The following NAALADL2 variants were observed in gnomAD, a reference collection of about 807,000 sequenced individuals.
NAALADL2 encodes the protein N-acetylated alpha-linked acidic dipeptidase like 2.
Under a neutral mutation model 87.2 loss-of-function variants are expected in NAALADL2, and 76 were observed. The observed-to-expected ratio is 0.87, with a 90% CI of 0.72 to 1.05. NAALADL2 has a LOEUF of 1.05. Ranked by LOEUF, NAALADL2 falls within the 50% of genes least tolerant of loss-of-function variation. NAALADL2 has a pLI of 0.00. For missense variants in NAALADL2, 1,089 were observed against 945.8 expected, an observed-to-expected ratio of 1.15 and a Z score of -1.99; for synonymous variants, 354 against 331.0, an observed-to-expected ratio of 1.07 and a Z score of -0.75.
chr3:175,185,318 C>T (rs1737173031), intron 2 of NAALADL2, among the ~76,000 whole-genome samples: 3 of 151,962 alleles, frequency 2.0e-5, no homozygotes, highest in Admixed American at 2.0e-4. Flanking sequence ...GACTTGTCTA[C>T]ATATGCACAA....
chr3:175,390,392 C>T (rs2149017565), intron 5 of NAALADL2, among the ~76,000 whole-genome samples: 1 of 152,200 alleles, frequency 6.6e-6, no homozygotes, highest in African/African-American at 2.4e-5. Flanking sequence ...GCAAGCCAAA[C>T]GTTTAAATTT....
chr3:175,225,210 C>G (rs1039521087), intron 2 of NAALADL2, among the ~76,000 whole-genome samples: 2 of 152,068 alleles, frequency 1.3e-5, no homozygotes, highest in African/African-American at 4.8e-5. Flanking sequence ...ATATATCTTC[C>G]CCATTATATA....
intron 4 of NAALADL2, among the ~76,000 whole-genome samples, chr3:175,323,455 A>T (rs986793055): frequency 1.3e-5 from 2 of 151,664 alleles, no homozygotes; most frequent in Non-Finnish European, 2.9e-5. Flanking sequence ...AACCTGCACA[A>T]TGTGCACATG....
intron 13 of NAALADL2, among the ~76,000 whole-genome samples, chr3:175,792,958 C>T (rs1752976244): frequency 6.6e-6 from 1 of 152,218 alleles, no homozygotes; most frequent in African/African-American, 2.4e-5. Flanking sequence ...CTGGTTCTTT[C>T]AGAAATCCAA....
chr3:174,952,785 C>A (rs1740572524), intron 1 of NAALADL2, among the ~76,000 whole-genome samples: 1 of 152,122 alleles, frequency 6.6e-6, no homozygotes, highest in Admixed American at 6.6e-5. Context: ...AGGAAGCCTG[C>A]ATGACATTAG....
chr3:174,639,370 G>GT (rs1452550893), intron 2 of NAALADL2, among the ~76,000 whole-genome samples: 1 of 152,222 alleles, frequency 6.6e-6, no homozygotes, highest in Non-Finnish European at 1.5e-5. Context: ...ACCCAGGGGT[G>GT]TATGGGAGCT....
At chr3:174,628,745 A>T (rs376679235) in intron 2 of NAALADL2, among the ~76,000 whole-genome samples, 9 of 152,246 alleles carry the variant, frequency 5.9e-5, no homozygotes, top group African/African-American at 1.9e-4. Flanking sequence ...TGTGCATTAT[A>T]TACAACTGTT....
chr3:174,924,471 T>C (rs939808237), intron 1 of NAALADL2, among the ~76,000 whole-genome samples: 8 of 152,188 alleles, frequency 5.3e-5, no homozygotes, highest in Admixed American at 5.2e-4. Flanking sequence ...TTGACGGACA[T>C]TTGGGTTGGT....
intron 13 of NAALADL2, among the ~76,000 whole-genome samples, chr3:175,792,828 C>G (rs552474646): frequency 6.6e-6 from 1 of 152,050 alleles, no homozygotes; most frequent in South Asian, 2.1e-4. Flanking sequence ...CTCTGCCTTC[C>G]GTAGTATAAG....
chr3:175,656,969 G>A (rs549121793), intron 11 of NAALADL2, among the ~76,000 whole-genome samples: 10 of 152,180 alleles, frequency 6.6e-5, no homozygotes, highest in Non-Finnish European at 8.8e-5. Flanking sequence ...TAGAAACTTC[G>A]TGTATCACTT....
chr3:175,200,817 T>C (rs2109146413), intron 2 of NAALADL2, among the ~76,000 whole-genome samples: 1 of 152,322 alleles, frequency 6.6e-6, no homozygotes, highest in Non-Finnish European at 1.5e-5. Context: ...AAACAGGTCA[T>C]GACTCTCAAA....
At chr3:174,973,098 T>A (rs1038718909) in intron 1 of NAALADL2, among the ~76,000 whole-genome samples, 1 of 152,170 alleles carries the variant, frequency 6.6e-6, no homozygotes, top group Non-Finnish European at 1.5e-5. Context: ...TGGCACTGTT[T>A]TGTAGTTTGG....
At chr3:175,075,877 G>A (rs935404648) in intron 1 of NAALADL2, among the ~76,000 whole-genome samples, 1 of 152,098 alleles carries the variant, frequency 6.6e-6, no homozygotes, top group South Asian at 2.1e-4. Context: ...ATAAAATAAG[G>A]TAAATTGATT....
chr3:175,596,266 G>T (rs1188962041), intron 10 of NAALADL2, among the ~76,000 whole-genome samples: 1 of 151,782 alleles, frequency 6.6e-6, no homozygotes, highest in Non-Finnish European at 1.5e-5. Flanking sequence ...TCCATGATTG[G>T]TCATCATAGA....
chr3:175,467,614 A>G (rs78955180), intron 8 of NAALADL2, among the ~76,000 whole-genome samples: 3,837 of 152,254 alleles, frequency 0.025, 178 homozygotes, highest in African/African-American at 0.086. Context: ...TTCTCTCTTC[A>G]ATATGGATAT....
chr3:174,724,249 T>C (rs991801627), intron 2 of NAALADL2, among the ~76,000 whole-genome samples: 3 of 152,170 alleles, frequency 2.0e-5, no homozygotes, highest in African/African-American at 7.2e-5. Context: ...TTCACCTCCA[T>C]AGCTGCAGAG....
intron 1 of NAALADL2, among the ~76,000 whole-genome samples, chr3:175,035,839 A>G (rs1753342638): frequency 6.6e-6 from 1 of 152,150 alleles, no homozygotes; most frequent in Non-Finnish European, 1.5e-5. Context: ...TCAGATTCCT[A>G]AGTCCAACCT....
chr3:175,579,974 G>A (rs564799569), intron 10 of NAALADL2, among the ~76,000 whole-genome samples: 43 of 152,186 alleles, frequency 2.8e-4, no homozygotes, highest in African/African-American at 1.0e-3. Context: ...ACTTTTCGCT[G>A]TTCTGTTTGA....
intron 2 of NAALADL2, among the ~76,000 whole-genome samples, chr3:175,155,674 A>C (rs1280568791): frequency 1.3e-5 from 2 of 152,078 alleles, no homozygotes; most frequent in African/African-American, 4.8e-5. Context: ...TAAATAGTTT[A>C]TATTTCTGTA....
Sources: gnomAD v4.1 joint callset for allele counts (sites outside exome capture counted in the v4.1 genomes callset) on GRCh38, gnomAD v4.1.1 for gene constraint, MANE v1.5 for transcripts, NCBI Gene and HGNC (gene_info 2026-07-23, HGNC 2026-07-21) for gene names.